TTLL8: variants seen among roughly 807,000 people sequenced by gnomAD.
TTLL8 encodes the protein tubulin tyrosine ligase like 8.
A neutral mutation model predicts 77.8 loss-of-function variants in TTLL8; 65 were observed. That is an observed-to-expected ratio of 0.84 (90% confidence interval 0.68 to 1.03). TTLL8 has a LOEUF of 1.03. Among genes scored for constraint, TTLL8 ranks in the 50% least tolerant of loss-of-function variants. The pLI is 0.00. For missense variants in TTLL8, 910 were observed against 1,004.5 expected (o/e 0.91, Z 1.27); for synonymous variants, 402 against 422.8 (o/e 0.95, Z 0.60).
chr22:50,035,919 A>G (rs571274240), intron 8 of TTLL8, among the ~76,000 whole-genome samples: 1 of 152,328 alleles, frequency 6.6e-6, no homozygotes, highest in South Asian at 2.1e-4. Flanking sequence ...CTGTCCCCAC[A>G]AGTGTACGCG....
At chr22:50,024,721 G>A (rs2061222127) in intron 12 of TTLL8, among the ~76,000 whole-genome samples, 1 of 152,322 alleles carries the variant, frequency 6.6e-6, no homozygotes, top group African/African-American at 2.4e-5. Flanking sequence ...AGTTTTCTTA[G>A]AAACATAAAT....
chr22:50,036,036 C>G (rs1231926412), intron 8 of TTLL8, among the ~76,000 whole-genome samples: 1 of 152,240 alleles, frequency 6.6e-6, no homozygotes, highest in East Asian at 1.9e-4. Flanking sequence ...AGTCCAGGAA[C>G]CATGAGATGC....
intron 1 of TTLL8, among the ~76,000 whole-genome samples, chr22:50,054,377 C>T (rs939801414): frequency 6.6e-6 from 1 of 152,138 alleles, no homozygotes; most frequent in African/African-American, 2.4e-5. Context: ...CCAAGGGAGG[C>T]CTTGCTTACA....
chr22:50,030,147 G>A (rs2061276009), intron 12 of TTLL8: 4 of 983,916 alleles, frequency 4.1e-6, no homozygotes, highest in Non-Finnish European at 3.6e-6. Context: ...CCAGAGGTAT[G>A]GGGACAAAGG....
rs778024635 is a variant in TTLL8, at chr22:50,033,268, A to T, written c.1217T>A (p.Ile406Asn). 10 of 1,361,532 alleles carry T rather than the reference A, an allele frequency of 7.3e-6. No individual in the cohort carries two copies. In the African/African-American group the frequency reaches 1.3e-4, roughly 18 times the overall value. 84.3% of individuals were successfully genotyped at this position (1,361,532 alleles called of 1,614,324 possible). The change falls in exon 10 of 14, where the codon ATC becomes AAC. Residue 406 changes from isoleucine (I) to asparagine (N), a missense_variant. Transcript: ENST00000266182. Reference sequence around the variant, plus strand: ...CAAGTAACTCTCCTTGTAGAACCAGATGGTCAGGGGGTTCCAGTCCGTGAC... The same window carrying T: ...CAAGTAACTCTCCTTGTAGAACCAGTTGGTCAGGGGGTTCCAGTCCGTGAC...
In TTLL8 at chr22:50,044,317, C is replaced by CAA. The variant is rs1016383243; in HGVS notation, c.643+936_643+937dup. Among the ~76,000 whole-genome samples, 1 of 131,752 alleles carries CAA rather than the reference C, an allele frequency of 7.6e-6. No homozygotes were observed. The highest frequency in any genetic ancestry group is 1.6e-5 in the Non-Finnish European group (1 of 60,770). The allele number at this position is 131,752 out of a possible 152,430, so 86.4% of individuals were successfully genotyped here. ...TGGGTGACAGAGCAAGACTCCATCTCAAAAAAAAAAAAACATTAATTAGGA... is the reference window on the plus strand; with the variant it reads ...TGGGTGACAGAGCAAGACTCCATCTCAAAAAAAAAAAAAAACATTAATTAGGA... On this transcript the variant is annotated intron_variant, in intron 6 of 13. Transcript: ENST00000266182. The surrounding 1 kb of genome is among the most constrained non-coding windows in gnomAD (Gnocchi z 4.2).
chr22:50,053,284 G>A (rs137916), intron 1 of TTLL8, among the ~76,000 whole-genome samples: 33,096 of 150,340 alleles, frequency 0.22, 3,887 homozygotes, highest in Middle Eastern at 0.3. Flanking sequence ...AATGTTAGGC[G>A]TAAAGCAAGT....
intron 8 of TTLL8, among the ~76,000 whole-genome samples, chr22:50,037,313 T>A (rs1458165552): frequency 6.6e-6 from 1 of 152,004 alleles, no homozygotes; most frequent in Admixed American, 6.6e-5. Context: ...GTTCAAGAGA[T>A]TCTTCTGCCT....
exon 10 of TTLL8, chr22:50,033,318 C>G (rs1405400728): frequency 7.3e-7 from 1 of 1,365,324 alleles, no homozygotes. Flanking sequence ...TGATGTCGAA[C>G]TTGGTGTCAC....
chr22:50,042,201 T>C (rs1201919906), intron 6 of TTLL8, among the ~76,000 whole-genome samples: 4 of 152,116 alleles, frequency 2.6e-5, no homozygotes, highest in African/African-American at 9.7e-5. Flanking sequence ...TTTAAGACAA[T>C]GGGAAGACAA....
exon 2 of TTLL8, chr22:50,050,213 G>T: frequency 7.4e-7 from 1 of 1,355,218 alleles, no homozygotes; most frequent in South Asian, 1.2e-5. Flanking sequence ...CCGGACCACC[G>T]GGTAGTGTCC....
chr22:50,022,045 C>T (rs1208624801), intron 12 of TTLL8, among the ~76,000 whole-genome samples: 2 of 150,256 alleles, frequency 1.3e-5, no homozygotes, highest in Non-Finnish European at 1.5e-5. Flanking sequence ...ATGCACTCCT[C>T]CATCTGATGA....
intron 12 of TTLL8, among the ~76,000 whole-genome samples, chr22:50,019,438 T>G (rs1197691619): frequency 6.6e-6 from 1 of 152,164 alleles, no homozygotes; most frequent in African/African-American, 2.4e-5. Context: ...AGGATTGAGG[T>G]GCATGGCCAG....
At chr22:50,023,593 G>C (rs1302915540) in intron 12 of TTLL8, among the ~76,000 whole-genome samples, 1 of 152,168 alleles carries the variant, frequency 6.6e-6, no homozygotes, top group Non-Finnish European at 1.5e-5. Context: ...GCTGAGGCAG[G>C]ATAATCGCTT....
intron 12 of TTLL8, chr22:50,030,042 G>A: frequency 3.7e-6 from 2 of 542,946 alleles, no homozygotes; most frequent in Non-Finnish European, 4.7e-6. Flanking sequence ...CCAAAGCCCC[G>A]CGGTCACTTT....
At chr22:50,038,864 A>C (rs2061352304) in intron 8 of TTLL8, among the ~76,000 whole-genome samples, 1 of 152,094 alleles carries the variant, frequency 6.6e-6, no homozygotes, top group African/African-American at 2.4e-5. Context: ...AAACAAATTT[A>C]CTAGGACAGG....
At chr22:50,048,380 T>C (rs961055271) in intron 3 of TTLL8, among the ~76,000 whole-genome samples, 1 of 152,122 alleles carries the variant, frequency 6.6e-6, no homozygotes, top group African/African-American at 2.4e-5. Flanking sequence ...GAGCCCCTTA[T>C]GATGGGCTAG....
chr22:50,055,655 CAAAAAAA>C (rs144375344), upstream of TTLL8, among the ~76,000 whole-genome samples: 1 of 110,522 alleles, frequency 9.0e-6, no homozygotes. Flanking sequence ...AACTCTGTCT[CAAAAAAA>C]AAAAAAAAAA....
Position 50,031,684 on chromosome 22 carries a change from A to G in TTLL8, c.1707+2T>C, listed in dbSNP as rs1315635897. The G allele has an allele frequency of 2.3e-6, 3 of 1,278,960 alleles. No homozygotes were observed. The African/African-American group carries it at 4.5e-5, about 19-fold the overall frequency. 79.2% of individuals were successfully genotyped at this position (1,278,960 alleles called of 1,614,324 possible). On this transcript the variant is annotated splice_donor_variant, in intron 11 of 13. Coordinates refer to ENST00000266182, the Ensembl canonical transcript of TTLL8. LOFTEE classifies it high-confidence loss of function. ...AAGTCCCCAGGGGCGGGCGTGGCTC[A>G]CCTGCCTCCACAGGAGCTCGAAGTT...
Sources: gnomAD v4.1 joint callset for allele counts (sites outside exome capture counted in the v4.1 genomes callset) on GRCh38, gnomAD v4.1.1 for gene constraint, Gnocchi (gnomAD v3.1) non-coding constraint, MANE v1.5 for transcripts, NCBI Gene and HGNC (gene_info 2026-07-23, HGNC 2026-07-21) for gene names.